Variants in PDE1C observed in about 807,000 individuals in gnomAD.
PDE1C encodes phosphodiesterase 1C, also known as dual specificity calcium/calmodulin-dependent 3',5'-cyclic nucleotide phosphodiesterase 1C.
A neutral mutation model predicts 93.1 loss-of-function variants in PDE1C; 62 were observed. That is an observed-to-expected ratio of 0.67 (90% CI 0.54 to 0.82). The LOEUF is 0.82. Among genes scored for constraint, PDE1C ranks in the 40% least tolerant of loss-of-function variants. The pLI is 0.00. For synonymous variants in PDE1C, 325 were observed against 310.1 expected (o/e 1.05, Z -0.50); for missense variants, 742 against 884.6 (o/e 0.84, Z 2.04).
intron 1 of PDE1C, among the ~76,000 whole-genome samples, chr7:32,248,829 G>C (rs1440322415): frequency 6.6e-6 from 1 of 152,214 alleles, no homozygotes; most frequent in Non-Finnish European, 1.5e-5. Flanking sequence ...AAAAGACTTT[G>C]TGAAGAGCTT....
At chr7:32,044,298 A>T (rs574022676) in intron 2 of PDE1C, among the ~76,000 whole-genome samples, 2 of 152,266 alleles carry the variant, frequency 1.3e-5, no homozygotes, top group Admixed American at 6.5e-5. Context: ...AAAGGATCAT[A>T]AAAAAATCAG....
At chr7:31,674,024 T>A in the PDE1C span, among the ~76,000 whole-genome samples, 1 of 152,198 alleles carries the variant, frequency 6.6e-6, no homozygotes, top group African/African-American at 2.4e-5. Context: ...TTGTCTTAAA[T>A]GTACAGTAAA....
the PDE1C span, among the ~76,000 whole-genome samples, chr7:31,718,406 A>G: frequency 1.2e-4 from 18 of 152,252 alleles, no homozygotes; most frequent in East Asian, 3.3e-3. Flanking sequence ...ACAAGAATGG[A>G]AACCACAGTG....
chr7:31,675,874 C>T, the PDE1C span, among the ~76,000 whole-genome samples: 2 of 152,152 alleles, frequency 1.3e-5, no homozygotes, highest in East Asian at 3.9e-4. Flanking sequence ...AAAATCTAAG[C>T]CCACAGACAG....
intron 2 of PDE1C, 22 bp downstream of exon 2, chr7:32,051,532 C>T: frequency 6.2e-7 from 1 of 1,612,362 alleles, no homozygotes; most frequent in African/African-American, 1.3e-5. Flanking sequence ...CAACCAGTTG[C>T]AGCTCAGAAA....
chr7:32,146,792 G>GA (rs1469606004), intron 3 of PDE1C, among the ~76,000 whole-genome samples: 1 of 152,014 alleles, frequency 6.6e-6, no homozygotes, highest in Non-Finnish European at 1.5e-5. Context: ...ATAAGGCATA[G>GA]AAAAAATGAG....
intron 2 of PDE1C, among the ~76,000 whole-genome samples, chr7:31,985,149 A>G (rs530987221): frequency 1.3e-5 from 2 of 152,330 alleles, no homozygotes; most frequent in South Asian, 2.1e-4. Context: ...CGCACGGACA[A>G]GGGCCAAGAG....
intron 2 of PDE1C, among the ~76,000 whole-genome samples, chr7:31,928,956 G>A (rs1359761207): frequency 6.6e-6 from 1 of 152,076 alleles, no homozygotes; most frequent in Non-Finnish European, 1.5e-5. Flanking sequence ...AATGTAAATG[G>A]GCTAAATACC....
chr7:31,664,070 C>T, the PDE1C span, among the ~76,000 whole-genome samples: 5 of 152,170 alleles, frequency 3.3e-5, no homozygotes, highest in African/African-American at 1.2e-4. Context: ...CTCAGTGTCA[C>T]ACAACTAGAA....
At chr7:31,934,924 G>A (rs914498926) in intron 2 of PDE1C, among the ~76,000 whole-genome samples, 1 of 152,106 alleles carries the variant, frequency 6.6e-6, no homozygotes, top group Non-Finnish European at 1.5e-5. Flanking sequence ...TTCATGGGGA[G>A]AAAATGGAAG....
intron 2 of PDE1C, among the ~76,000 whole-genome samples, chr7:31,896,477 A>T (rs1369117233): frequency 6.6e-6 from 1 of 152,190 alleles, no homozygotes; most frequent in Admixed American, 6.5e-5. Flanking sequence ...ACTGACAGCT[A>T]GCCTTGTTGA....
chr7:32,112,804 ATGTGTGTGTGTGTGTGTG>A (rs150245670), intron 3 of PDE1C, among the ~76,000 whole-genome samples: 17 of 66,746 alleles, frequency 2.5e-4, no homozygotes, highest in Non-Finnish European at 5.9e-4. Context: ...ATATACATAT[ATGTGTGTGTGTGTGTGTG>A]TGTGTGTGTG....
chr7:31,628,535 G>A, the PDE1C span, among the ~76,000 whole-genome samples: 1 of 150,248 alleles, frequency 6.7e-6, no homozygotes, highest in Non-Finnish European at 1.5e-5. Flanking sequence ...TCAGCTCACT[G>A]CAAGCTCTGC....
intron 2 of PDE1C, among the ~76,000 whole-genome samples, chr7:31,889,047 A>T (rs79809355): frequency 0.012 from 1,848 of 152,320 alleles, 37 homozygotes; most frequent in African/African-American, 0.042. Context: ...ATGCTCATGA[A>T]TTTTAACACT....
chr7:31,912,015 T>C (rs1316977077), intron 2 of PDE1C, among the ~76,000 whole-genome samples: 6 of 152,120 alleles, frequency 3.9e-5, no homozygotes, highest in African/African-American at 7.2e-5. Flanking sequence ...TTCAGGCAGG[T>C]GGTATTTTCA....
chr7:31,668,883 G>A, the PDE1C span, among the ~76,000 whole-genome samples: 1 of 152,102 alleles, frequency 6.6e-6, no homozygotes, highest in African/African-American at 2.4e-5. Context: ...AATACCTGAG[G>A]GGCAAGGAGT....
the PDE1C span, chr7:31,707,285 G>T: frequency 1.2e-6 from 2 of 1,612,628 alleles, no homozygotes; most frequent in Non-Finnish European, 8.5e-7. Context: ...GCTATTTAAA[G>T]ATAGTTCCCC....
intron 2 of PDE1C, among the ~76,000 whole-genome samples, chr7:32,204,707 C>CT (rs754525917): frequency 1.3e-4 from 20 of 152,134 alleles, no homozygotes; most frequent in Non-Finnish European, 2.5e-4. Context: ...TAGAAGTTAC[C>CT]TTTTTTACCT....
At chr7:32,076,645 AAAAAAAAAAAAAG>A (rs575721020) in intron 3 of PDE1C, among the ~76,000 whole-genome samples, 10,482 of 149,590 alleles carry the variant, frequency 0.07, 403 homozygotes, top group African/African-American at 0.081. Context: ...TCCATCTCAA[AAAAAAAAAAAAAG>A]AAAAAAAGAA....
Sources: gnomAD v4.1 joint callset for allele counts (sites outside exome capture counted in the v4.1 genomes callset) on GRCh38, gnomAD v4.1.1 for gene constraint, MANE v1.5 for transcripts, NCBI Gene and HGNC (gene_info 2026-07-23, HGNC 2026-07-21) for gene names.